ATP9B: variants seen among roughly 807,000 people sequenced by gnomAD.
The protein encoded by ATP9B is probable phospholipid-transporting ATPase IIB.
In ATP9B, 110 loss-of-function variants were observed where a neutral mutation model predicts 146.1. The ratio of observed to expected loss-of-function variants is 0.75; its 90% CI spans 0.65 to 0.88. The LOEUF (loss-of-function observed/expected upper bound fraction) is 0.88. Among genes scored for constraint, ATP9B ranks in the 40% least tolerant of loss-of-function variants. The pLI is 0.00. For missense variants in ATP9B, 1,499 were observed against 1,496.4 expected (o/e 1.00, Z -0.03); for synonymous variants, 604 against 569.7 (o/e 1.06, Z -0.86).
intron 8 of ATP9B, among the ~76,000 whole-genome samples, chr18:79,177,250 T>C (rs1243985046): frequency 6.6e-6 from 1 of 152,150 alleles, no homozygotes; most frequent in East Asian, 1.9e-4. Context: ...ATTTTATTTT[T>C]TAAGTGATAG....
At chr18:79,366,885 G>A (rs1414322477) in intron 26 of ATP9B, among the ~76,000 whole-genome samples, 1 of 152,240 alleles carries the variant, frequency 6.6e-6, no homozygotes, top group Non-Finnish European at 1.5e-5. Context: ...AGTGAGGCTG[G>A]TGCGGGAGGC....
rs2095866375 is a variant in ATP9B at position 79,238,950 on chromosome 18, G to A, written c.1108-14431G>A. ...ACCAAGTCAGGTCAAAGGAGAAATA[G>A]GTATATTTTTATCACGTCAGTAAGA... On this transcript the variant is annotated intron_variant, in intron 11 of 29. Transcript: ENST00000426216. Among the ~76,000 whole-genome samples the A allele has an allele frequency of 2.6e-5, 4 of 152,214 alleles. No homozygotes were observed. The South Asian group carries it at 8.3e-4, about 32-fold the overall frequency.
chr18:79,274,399 C>T (rs1159917671), intron 12 of ATP9B, among the ~76,000 whole-genome samples: 1 of 152,146 alleles, frequency 6.6e-6, no homozygotes, highest in African/African-American at 2.4e-5. Flanking sequence ...TGCATATAAG[C>T]TGTCTACTCT....
At chr18:79,201,366 A>G (rs1324104658) in intron 9 of ATP9B, among the ~76,000 whole-genome samples, 1 of 152,208 alleles carries the variant, frequency 6.6e-6, no homozygotes, top group East Asian at 1.9e-4. Flanking sequence ...ATTGTTAAGG[A>G]GTGGTATCCA....
At chr18:79,208,212 T>G (rs952429648) in intron 10 of ATP9B, among the ~76,000 whole-genome samples, 1 of 152,168 alleles carries the variant, frequency 6.6e-6, no homozygotes, top group Non-Finnish European at 1.5e-5. Flanking sequence ...GCCACTGCAC[T>G]CTAGCCTGGG....
chr18:79,216,165 A>T (rs1427601415), intron 11 of ATP9B, among the ~76,000 whole-genome samples: 2 of 152,036 alleles, frequency 1.3e-5, no homozygotes, highest in African/African-American at 2.4e-5. Context: ...TCTTCAGTTC[A>T]ACTTATTTTC....
intron 7 of ATP9B, among the ~76,000 whole-genome samples, chr18:79,174,784 G>T (rs1046045881): frequency 6.6e-6 from 1 of 151,816 alleles, no homozygotes; most frequent in African/African-American, 2.4e-5. Context: ...TCATTTTTTT[G>T]GTTAAAGAAT....
chr18:79,371,412 T>A (rs2097069857), intron 26 of ATP9B, among the ~76,000 whole-genome samples: 2 of 149,760 alleles, frequency 1.3e-5, no homozygotes, highest in Admixed American at 1.3e-4. Context: ...CAGTAGTGCT[T>A]CTTCGTCACA....
At chr18:79,278,255 C>T (rs1455603165) in intron 13 of ATP9B, among the ~76,000 whole-genome samples, 5 of 152,222 alleles carry the variant, frequency 3.3e-5, no homozygotes, top group African/African-American at 1.2e-4. Flanking sequence ...TCCGCAGCTT[C>T]ATAGTCGCTC....
In ATP9B at chr18:79,107,522, C is replaced by T. The variant is rs1282343615; in HGVS notation, c.294-2833C>T. Among the ~76,000 whole-genome samples the T allele has an allele frequency of 3.9e-5, 6 of 152,098 alleles. No homozygotes were observed. The South Asian group carries it at 6.2e-4, about 16-fold the overall frequency. On this transcript the variant is annotated intron_variant, in intron 2 of 29. Coordinates refer to ENST00000426216, the MANE Select transcript of ATP9B (RefSeq NM_198531.5). Reference sequence around the variant, plus strand: ...AGACCGAGGCCTCGGGGGCTTCCTCCGTGGGCGGCATTGTGCTGAGCCTTC... The same window carrying T: ...AGACCGAGGCCTCGGGGGCTTCCTCTGTGGGCGGCATTGTGCTGAGCCTTC...
At chr18:79,262,056 G>A (rs553199585) in intron 12 of ATP9B, among the ~76,000 whole-genome samples, 34 of 152,158 alleles carry the variant, frequency 2.2e-4, no homozygotes, top group African/African-American at 7.7e-4. Flanking sequence ...GATGAATGGC[G>A]TGTACCCTCG....
At chr18:79,095,710 G>A (rs2074726807) in intron 1 of ATP9B, 1 of 152,290 alleles carries the variant, frequency 6.6e-6, no homozygotes, top group East Asian at 1.9e-4. Context: ...AATTCAGTAA[G>A]ACAGCACTTG....
chr18:79,331,247 G>T, intron 17 of ATP9B, among the ~76,000 whole-genome samples: 1 of 152,166 alleles, frequency 6.6e-6, no homozygotes, highest in East Asian at 1.9e-4. Context: ...CCCAGTGTTC[G>T]CAACGGTAGT....
chr18:79,213,350 TTTA>T (rs143502183), intron 10 of ATP9B, among the ~76,000 whole-genome samples: 2,393 of 152,220 alleles, frequency 0.016, 61 homozygotes, highest in African/African-American at 0.055. Flanking sequence ...CCAAGGATAT[TTTA>T]TTATTCTTTT....
chr18:79,144,961 A>G lies in ATP9B; in HGVS notation c.726+1101A>G, dbSNP rs115194536. 6.6e-3 allele frequency: 1,471 copies of G among 222,370 alleles called. 23 individuals carry two copies. Among genetic ancestry groups the G allele is most frequent in the African/African-American group, 0.032 (1,370 of 42,736 alleles). 13.8% of individuals were successfully genotyped at this position (222,370 alleles called of 1,614,324 possible). A position where few individuals can be genotyped will look rare whatever the true frequency, so the allele number is the denominator to read the frequency against. ...GAAGAAGCTATAAGAAAAACATCAA[A>G]GGTCCAACGTGGAGATTGTCAGGGC... is the stretch of plus-strand genomic sequence containing the variant. On this transcript the variant is annotated intron_variant, in intron 6 of 29. Transcript: ENST00000426216.
At chr18:79,212,052 C>T (rs2095589123) in intron 10 of ATP9B, among the ~76,000 whole-genome samples, 1 of 152,152 alleles carries the variant, frequency 6.6e-6, no homozygotes, top group Non-Finnish European at 1.5e-5. Flanking sequence ...CACAGTTAAT[C>T]CCTTTCCTCT....
At chr18:79,115,554 T>C (rs1197798439) in intron 4 of ATP9B, 1 of 129,216 alleles carries the variant, frequency 7.7e-6, no homozygotes. Flanking sequence ...AACAGCATGG[T>C]ACTGGTACCA....
At chr18:79,351,458 G>T (rs1245658907) in intron 25 of ATP9B, among the ~76,000 whole-genome samples, 1 of 152,200 alleles carries the variant, frequency 6.6e-6, no homozygotes, top group African/African-American at 2.4e-5. Flanking sequence ...TTGGAGGGGC[G>T]ATGCCTTTAG....
At chr18:79,226,032 G>A (rs1196274160) in intron 11 of ATP9B, among the ~76,000 whole-genome samples, 2 of 152,180 alleles carry the variant, frequency 1.3e-5, no homozygotes, top group Non-Finnish European at 2.9e-5. Flanking sequence ...GGGCTCTCAG[G>A]CCCTTCAGCT....
Sources: gnomAD v4.1 joint callset for allele counts (sites outside exome capture counted in the v4.1 genomes callset) on GRCh38, gnomAD v4.1.1 for gene constraint, MANE v1.5 for transcripts, NCBI Gene and HGNC (gene_info 2026-07-23, HGNC 2026-07-21) for gene names.